PKD1: variants seen among roughly 807,000 people sequenced by gnomAD.
PKD1 encodes the protein polycystin-1.
A neutral mutation model predicts 361.7 loss-of-function variants in PKD1; 81 were observed. That is an observed-to-expected ratio of 0.22 (90% CI 0.19 to 0.27). The LOEUF (loss-of-function observed/expected upper bound fraction) is 0.27. PKD1 is among the 10% of genes least tolerant of loss of function. The pLI is 1.00. For missense variants in PKD1, 6,399 were observed against 6,118.3 expected (o/e 1.05, Z -1.53); for synonymous variants, 3,615 against 2,818.3 (o/e 1.28, Z -8.95).
chr16:2,107,691 A>T, intron 16 of PKD1, 192 bp downstream of exon 16: 1 of 653,912 alleles, frequency 1.5e-6, no homozygotes, highest in Non-Finnish European at 2.8e-6. Context: ...TGGCTTGAAG[A>T]CTGTACGTGG....
intron 30 of PKD1, chr16:2,099,430 G>A (rs2099853772): frequency 4.6e-6 from 3 of 657,404 alleles, no homozygotes; most frequent in Non-Finnish European, 8.3e-6. Context: ...GCTTAGCAAA[G>A]TGCCCTCGTT....
At chr16:2,131,284 G>A (rs896842640) in intron 1 of PKD1, among the ~76,000 whole-genome samples, 14 of 151,714 alleles carry the variant, frequency 9.2e-5, no homozygotes, top group African/African-American at 2.7e-4. Flanking sequence ...GGCTGAGGCG[G>A]GAGGATCACG....
At chr16:2,096,523 TTTTG>T (rs2091855284) in intron 34 of PKD1, among the ~76,000 whole-genome samples, 2 of 152,224 alleles carry the variant, frequency 1.3e-5, no homozygotes, top group African/African-American at 2.4e-5. Context: ...TGAGGAATTT[TTTTG>T]TTTTTGAGAC....
chr16:2,118,906 C>G lies in PKD1; in HGVS notation c.360-61G>C. 2 of 823,208 alleles carry G rather than the reference C, an allele frequency of 2.4e-6. No individual in the cohort carries two copies. Among genetic ancestry groups the G allele is most frequent in the Non-Finnish European group, 3.8e-6 (2 of 519,596 alleles). 51.0% of individuals were successfully genotyped at this position (823,208 alleles called of 1,614,324 possible). A position where few individuals can be genotyped will look rare whatever the true frequency, so the allele number is the denominator to read the frequency against. On this transcript the variant is annotated intron_variant, in intron 3 of 45. Transcript: ENST00000262304. The surrounding 1 kb of genome is among the most constrained non-coding windows in gnomAD (Gnocchi z 6.0). Reference sequence around the variant, plus strand: ...GGTGGGAAGGGTCTATGCCAGCCCCCCACTGGCAACCAGGCCCTGGAGCCA... The same window carrying G: ...GGTGGGAAGGGTCTATGCCAGCCCCGCACTGGCAACCAGGCCCTGGAGCCA...
chr16:2,092,734 G>A, intron 38 of PKD1, 142 bp from the exon 39 acceptor site: 1 of 830,110 alleles, frequency 1.2e-6, no homozygotes, highest in Non-Finnish European at 2.0e-6. Flanking sequence ...TTATCCTGGG[G>A]ATGTTCTGGG....
rs1342647727 is a variant in PKD1, at chr16:2,106,534, C to A, written c.7353G>T (p.Leu2451=). ...AGCCCTCCTCCTCGCCAGAGCGGCC[C>A]AGCACCGTGAGCGTGAAGGTGTATC... The part of the protein sequence containing the change: ...GEGYTFTLTV[L]GRSGEEEGCA... Residue 2451 remains leucine, a synonymous_variant, in exon 18 of 46, where the codon CTG becomes CTT. Transcript: ENST00000262304. This position sits in a 1 kb window ranked among gnomAD's most constrained non-coding sequence, Gnocchi z 6.5. 4 of 1,596,382 alleles carry A rather than the reference C, an allele frequency of 2.5e-6. No individual in the cohort carries two copies. The highest frequency in any genetic ancestry group is 2.5e-6 in the Non-Finnish European group (3 of 1,179,136).
At chr16:2,130,308 C>T (rs1365113032) in intron 1 of PKD1, among the ~76,000 whole-genome samples, 2 of 152,194 alleles carry the variant, frequency 1.3e-5, no homozygotes, top group Non-Finnish European at 2.9e-5. Flanking sequence ...CCTAGGCTCT[C>T]CTGACAGAGG....
At position 2,103,871 on chromosome 16, in the gene PKD1, G is replaced by A. The variant is rs371541730; in HGVS notation, c.8186C>T (p.Ser2729Leu). The change falls in exon 23 of 46, where the codon TCG becomes TTG. Residue 2729 changes from serine (S) to leucine (L), a missense_variant. Coordinates refer to ENST00000262304, the MANE Select transcript of PKD1 (RefSeq NM_001009944.3). ...TGAGGGCTGTGGTGCCCGCACGTCCGAGCTGGCCAGGTGGATGAGGTCTCC... is the reference window on the plus strand; with the variant it reads ...TGAGGGCTGTGGTGCCCGCACGTCCAAGCTGGCCAGGTGGATGAGGTCTCC... The part of the protein sequence containing the change: ...ITGDLIHLAS[S>L]DVRAPQPSEL... 157 of 1,599,842 alleles carry A rather than the reference G, an allele frequency of 9.8e-5. No homozygotes were observed. The highest frequency in any genetic ancestry group is 1.2e-4 in the Non-Finnish European group (140 of 1,176,504).
Position 2,091,075 on chromosome 16 carries a change from G to A in PKD1, c.11812C>T (p.Arg3938Trp), listed in dbSNP as rs1171702850. The change falls in exon 43 of 46, where the codon CGG becomes TGG. Residue 3938 changes from arginine (R) to tryptophan (W), a missense_variant. Coordinates refer to ENST00000262304, the MANE Select transcript of PKD1 (RefSeq NM_001009944.3). ...GCCGTCAGCGCCACCAGCAGCCACCGCGCCCAGGCTCCGAGCCGCAGCACG... is the reference window on the plus strand; with the variant it reads ...GCCGTCAGCGCCACCAGCAGCCACCACGCCCAGGCTCCGAGCCGCAGCACG... ...WRVLRLGAWA[R>W]WLLVALTAAT... 2.6e-6 allele frequency: 4 copies of A among 1,513,790 alleles called. No homozygotes were observed. Among genetic ancestry groups the A allele is most frequent in the South Asian group, 2.4e-5 (2 of 82,754 alleles). The allele number at this position is 1,513,790 out of a possible 1,614,324, so 93.8% of individuals were successfully genotyped here. A position where few individuals can be genotyped will look rare whatever the true frequency, so the allele number is the denominator to read the frequency against.
Position 2,114,520 on chromosome 16 carries a change from G to T in PKD1, c.2503C>A (p.Arg835Ser). ...RVIYPAPRDG[R>S]LYVPTNGSAL... ...GAGCCGTTGGTGGGCACGTAGAGGC[G>T]GCCGTCGCGGGGGGCAGGGTAGATG... is the stretch of plus-strand genomic sequence containing the variant. Residue 835 changes from arginine (R) to serine (S), a missense_variant, in exon 11 of 46, where the codon CGC (arginine) becomes AGC (serine). Coordinates refer to ENST00000262304, the MANE Select transcript of PKD1 (RefSeq NM_001009944.3). 6.9e-6 allele frequency: 11 copies of T among 1,594,402 alleles called. No homozygotes were observed. Among genetic ancestry groups the T allele is most frequent in the Non-Finnish European group, 8.5e-6 (10 of 1,178,954 alleles).
Position 2,111,092 on chromosome 16 carries a change from G to C in PKD1, c.4075C>G (p.Leu1359Val). ...FTRSGTFPLA[L>V]VLSSRVNRAH... ...CTGTTCACGCGGCTGGACAGCACCAGCGCCAGGGGGAACGTGCCGCTCCGC... is the reference window on the plus strand; with the variant it reads ...CTGTTCACGCGGCTGGACAGCACCACCGCCAGGGGGAACGTGCCGCTCCGC... The change falls in exon 15 of 46, where the codon CTG becomes GTG. Residue 1359 changes from leucine (L) to valine (V), a missense_variant. Leu to Val is a conservative substitution (Grantham distance 32). Coordinates refer to ENST00000262304, the MANE Select transcript of PKD1 (RefSeq NM_001009944.3). The C allele has an allele frequency of 1.2e-6, 2 of 1,610,730 alleles. No homozygotes were observed. The highest frequency in any genetic ancestry group is 1.7e-6 in the Non-Finnish European group (2 of 1,179,778).
intron 26 of PKD1, among the ~76,000 whole-genome samples, chr16:2,101,337 A>T (rs1249374431): frequency 6.8e-6 from 1 of 146,488 alleles, no homozygotes; most frequent in African/African-American, 2.6e-5. Flanking sequence ...TGAAGAGGAA[A>T]GCAGCACAGA....
At chr16:2,122,192 G>A (rs1385687708) in intron 1 of PKD1, among the ~76,000 whole-genome samples, 5 of 152,244 alleles carry the variant, frequency 3.3e-5, no homozygotes, top group East Asian at 1.9e-4. Flanking sequence ...GTGGAGCCAG[G>A]CCCTCACCTG....
chr16:2,125,102 C>T (rs2092778108), intron 1 of PKD1, among the ~76,000 whole-genome samples: 1 of 152,260 alleles, frequency 6.6e-6, no homozygotes, highest in Non-Finnish European at 1.5e-5. Flanking sequence ...TCATCTGTTT[C>T]CCTCTGCGCT....
Position 2,099,900 on chromosome 16 carries a change from T to C in PKD1, c.9884A>G (p.Asn3295Ser), listed in dbSNP as rs751447044. ...GCCAACAGCCCCGTACCACACGGCGTTGGCGCCCAGGAAGAGGCAGATGAG... is the reference window on the plus strand; with the variant it reads ...GCCAACAGCCCCGTACCACACGGCGCTGGCGCCCAGGAAGAGGCAGATGAG... ...VLLICLFLGA[N>S]AVWYGAVGDS... Residue 3295 changes from asparagine to serine, a missense_variant, in exon 29 of 46, where the codon AAC (asparagine) becomes AGC (serine). Transcript: ENST00000262304. 120 of 1,567,376 alleles carry C rather than the reference T, an allele frequency of 7.7e-5. No homozygotes were observed. The highest frequency in any genetic ancestry group is 5.4e-4 in the East Asian group (23 of 42,548).
rs1397653470 is a variant in PKD1, at chr16:2,093,573, T to C, written c.10987A>G (p.Lys3663Glu). The part of the protein sequence containing the change: ...ALFLAKEEAR[K>E]VKRLHGMLRS... ...AGCATGCCATGTAGCCTCTTGACCT[T>C]GCGGGCTTCTTCCTTGGCCAGGAAG... The change falls in exon 37 of 46, where the codon AAG becomes GAG. Residue 3663 changes from lysine (K) to glutamate (E), a missense_variant. Lys to Glu is a moderately conservative substitution (Grantham distance 56). Transcript: ENST00000262304. 1 of 1,606,516 alleles carries C rather than the reference T, an allele frequency of 6.2e-7. No homozygotes were observed.
rs576698400 is a variant in PKD1, at chr16:2,100,817, C to T, written c.9398-251G>A. The stretch of plus-strand genomic sequence containing the variant: ...TGTGACATGCAAACATGGCTGCACA[C>T]GCCTCAGTCCACACCACAACCAGTG... On this transcript the variant is annotated intron_variant, in intron 26 of 45. Transcript: ENST00000262304. This position sits in a 1 kb window ranked among gnomAD's most constrained non-coding sequence, Gnocchi z 4.4. 27 of 542,874 alleles carry T rather than the reference C, an allele frequency of 5.0e-5. No individual in the cohort carries two copies. The highest frequency in any genetic ancestry group is 7.6e-5 in the African/African-American group (4 of 52,682). 33.6% of individuals were successfully genotyped at this position (542,874 alleles called of 1,614,324 possible).
chr16:2,112,188 C>T, intron 14 of PKD1, 152 bp downstream of exon 14: 1 of 753,066 alleles, frequency 1.3e-6, no homozygotes, highest in Non-Finnish European at 2.3e-6. Flanking sequence ...CCTGGCCCCT[C>T]CCTCACCCCA....
chr16:2,093,631 C>G lies in PKD1; in HGVS notation c.10929G>C (p.Val3643=), dbSNP rs752524048. The G allele has an allele frequency of 3.7e-6, 6 of 1,609,572 alleles. No individual in the cohort carries two copies. Among genetic ancestry groups the G allele is most frequent in the Non-Finnish European group, 4.2e-6 (5 of 1,178,474 alleles). The change falls in exon 37 of 46, where the codon GTG becomes GTC. Residue 3643 remains valine (V), a synonymous_variant. Coordinates refer to ENST00000262304, the MANE Select transcript of PKD1 (RefSeq NM_001009944.3). ...SPAVTPVSAR[V]PRVRPPHGFA... ...AGCCGTGGGGTGGCCGTACGCGGGG[C>G]ACACGTGCGCTCACAGGCGTCACAG...
Sources: gnomAD v4.1 joint callset for allele counts (sites outside exome capture counted in the v4.1 genomes callset) on GRCh38, gnomAD v4.1.1 for gene constraint, Gnocchi (gnomAD v3.1) non-coding constraint, MANE v1.5 for transcripts, NCBI Gene and HGNC (gene_info 2026-07-23, HGNC 2026-07-21) for gene names.